The following GLIS1 variants were observed in gnomAD, a reference collection of about 807,000 sequenced individuals.
GLIS1 encodes zinc finger protein GLIS1.
In GLIS1, 24 loss-of-function variants were observed where a neutral mutation model predicts 63.8. The ratio of observed to expected loss-of-function variants is 0.38; its 90% CI spans 0.27 to 0.53. GLIS1 has a LOEUF of 0.53. Among genes scored for constraint, GLIS1 ranks in the 20% least tolerant of loss-of-function variants. The pLI, the probability that GLIS1 is intolerant of heterozygous loss-of-function variation, is 0.85. For synonymous variants in GLIS1, 450 were observed against 482.5 expected (o/e 0.93, Z 0.88); for missense variants, 1,036 against 1,074.1 (o/e 0.96, Z 0.50).
At chr1:53,648,292 A>T (rs993869446) in intron 2 of GLIS1, among the ~76,000 whole-genome samples, 28 of 152,210 alleles carry the variant, frequency 1.8e-4, no homozygotes, top group African/African-American at 6.8e-4. Flanking sequence ...AAAAATGTAA[A>T]TTCAAACCAC....
chr1:53,616,993 T>C lies in GLIS1; in HGVS notation c.260-16715A>G, dbSNP rs867135652. On this transcript the variant is annotated intron_variant, in intron 2 of 10. Coordinates refer to ENST00000628545, the MANE Select transcript of GLIS1 (RefSeq NM_001367484.1). The stretch of plus-strand genomic sequence containing the variant: ...CCCAGGCTCCCTCCTCCAGGAAGAT[T>C]TCCCTGACCAGCCCCACCCCATGGG... Among the ~76,000 whole-genome samples, 3 of 152,034 alleles carry C rather than the reference T, an allele frequency of 2.0e-5. 1 individual carries two copies. The highest frequency in any genetic ancestry group is 6.8e-3 in the Middle Eastern group (2 of 294).
At chr1:53,607,534 C>T (rs914821111) in intron 2 of GLIS1, among the ~76,000 whole-genome samples, 1 of 152,204 alleles carries the variant, frequency 6.6e-6, no homozygotes, top group Non-Finnish European at 1.5e-5. Context: ...TAGGCTCTTT[C>T]CGTGCCAGTA....
At chr1:53,723,924 T>C (rs748200463) in intron 2 of GLIS1, among the ~76,000 whole-genome samples, 46 of 152,182 alleles carry the variant, frequency 3.0e-4, no homozygotes, top group Admixed American at 2.0e-4. Context: ...TGTCAGCATG[T>C]TTCCATTTCC....
Position 53,594,357 on chromosome 1 carries a change from C to T in GLIS1, c.1071G>A (p.Leu357=). ...CCACCCTGCCTGCCAGGCCCAGCCC[C>T]AGGCCTCCAAGGCTTGGGCCAGGCG... The part of the protein sequence containing the change: ...QLPPGPSLGG[L]GLGLAGRVVA... The change falls in exon 4 of 11, where the codon CTG becomes CTA. Residue 357 remains leucine (L), a synonymous_variant. Coordinates refer to ENST00000628545, the MANE Select transcript of GLIS1 (RefSeq NM_001367484.1). 3 of 1,611,714 alleles carry T rather than the reference C, an allele frequency of 1.9e-6. No homozygotes were observed. Among genetic ancestry groups the T allele is most frequent in the South Asian group, 1.1e-5 (1 of 90,952 alleles).
At chr1:53,550,057 C>A (rs1056144000) in intron 4 of GLIS1, among the ~76,000 whole-genome samples, 7 of 152,242 alleles carry the variant, frequency 4.6e-5, no homozygotes. Flanking sequence ...TGATAGGCAT[C>A]AGAGCCACCA....
intron 2 of GLIS1, among the ~76,000 whole-genome samples, chr1:53,707,318 T>C (rs1474782077): frequency 6.6e-6 from 1 of 152,202 alleles, no homozygotes; most frequent in Non-Finnish European, 1.5e-5. Context: ...GGAAAGCAGT[T>C]AACAACAACA....
chr1:53,695,660 G>C (rs905608124), intron 2 of GLIS1, among the ~76,000 whole-genome samples: 2 of 152,200 alleles, frequency 1.3e-5, no homozygotes, highest in African/African-American at 4.8e-5. Context: ...CAGGAGGGGC[G>C]CGGGGTGGTA....
At chr1:53,631,780 C>T (rs1645654587) in intron 2 of GLIS1, among the ~76,000 whole-genome samples, 1 of 151,676 alleles carries the variant, frequency 6.6e-6, no homozygotes, top group Non-Finnish European at 1.5e-5. Context: ...GGGATTGAGT[C>T]ATATGAGTGT....
At position 53,539,027 on chromosome 1, in the gene GLIS1, G is replaced by A. The variant is rs946941951; in HGVS notation, c.1321-9075C>T. Among the ~76,000 whole-genome samples, 2 of 152,058 alleles carry A rather than the reference G, an allele frequency of 1.3e-5. No homozygotes were observed. Among genetic ancestry groups the A allele is most frequent in the African/African-American group, 4.8e-5 (2 of 41,364 alleles). On this transcript the variant is annotated intron_variant, in intron 4 of 10. Transcript: ENST00000628545. The surrounding 1 kb of genome is among the most constrained non-coding windows in gnomAD (Gnocchi z 5.0). ...CCAGGGGCTCTCCCAGTGCAGAGCT[G>A]TGGCTAGACATCGTCTGGAATGAGG...
Position 53,639,939 on chromosome 1 carries a change from T to C in GLIS1, c.260-39661A>G, listed in dbSNP as rs149720504. 7.5e-4 allele frequency among the ~76,000 whole-genome samples: 115 copies of C among 152,340 alleles called. No individual in the cohort carries two copies. Among genetic ancestry groups the C allele is most frequent in the African/African-American group, 2.7e-3 (111 of 41,582 alleles). On this transcript the variant is annotated intron_variant, in intron 2 of 10. Coordinates refer to ENST00000628545, the MANE Select transcript of GLIS1 (RefSeq NM_001367484.1). This position sits in a 1 kb window ranked among gnomAD's most constrained non-coding sequence, Gnocchi z 4.6. ...TCTGATACGTCACTGAGCCTCAGTTTATACTTCCACAGAAACAGGGATACT... is the reference window on the plus strand; with the variant it reads ...TCTGATACGTCACTGAGCCTCAGTTCATACTTCCACAGAAACAGGGATACT...
At chr1:53,709,056 G>T (rs970298240) in intron 2 of GLIS1, among the ~76,000 whole-genome samples, 5 of 151,926 alleles carry the variant, frequency 3.3e-5, no homozygotes, top group Non-Finnish European at 5.9e-5. Context: ...TATCTATCTT[G>T]TTCACCACAG....
intron 4 of GLIS1, among the ~76,000 whole-genome samples, chr1:53,551,402 G>A (rs540894419): frequency 6.6e-6 from 1 of 152,314 alleles, no homozygotes; most frequent in East Asian, 1.9e-4. Flanking sequence ...CCGGGATGGA[G>A]GCCTTATGCA....
chr1:53,511,611 A>G lies in GLIS1; in HGVS notation c.1884-1584T>C, dbSNP rs150955791. 6.6e-6 allele frequency among the ~76,000 whole-genome samples: 1 copy of G among 152,320 alleles called. No homozygotes were observed. The highest frequency in any genetic ancestry group is 2.4e-5 in the African/African-American group (1 of 41,580). On this transcript the variant is annotated intron_variant, in intron 8 of 10. Transcript: ENST00000628545. This position sits in a 1 kb window ranked among gnomAD's most constrained non-coding sequence, Gnocchi z 4.2. Reference sequence around the variant, plus strand: ...TCACTGTTTTAAGTTCATGAGACGAATCCTCATCACACCTCCAGGAATAAA... The same window carrying G: ...TCACTGTTTTAAGTTCATGAGACGAGTCCTCATCACACCTCCAGGAATAAA...
intron 2 of GLIS1, among the ~76,000 whole-genome samples, chr1:53,671,106 G>A (rs146750304): frequency 1.3e-5 from 2 of 152,244 alleles, no homozygotes; most frequent in African/African-American, 4.8e-5. Flanking sequence ...GTGAGCAGAA[G>A]AAACTGGTGA....
chr1:53,591,891 T>C (rs1251587342), intron 4 of GLIS1, among the ~76,000 whole-genome samples: 1 of 152,228 alleles, frequency 6.6e-6, no homozygotes, highest in Admixed American at 6.5e-5. Flanking sequence ...TTGTAAGGAT[T>C]AAACAATACT....
chr1:53,667,615 C>CAATGTTTTG (rs1271709228), intron 2 of GLIS1, among the ~76,000 whole-genome samples: 42 of 137,122 alleles, frequency 3.1e-4, no homozygotes, highest in Non-Finnish European at 6.0e-4. Context: ...ATTTGTACTG[C>CAATGTTTTG]TACAATAAAA....
At chr1:53,719,923 C>A (rs1265220915) in intron 2 of GLIS1, among the ~76,000 whole-genome samples, 4 of 152,192 alleles carry the variant, frequency 2.6e-5, no homozygotes, top group Non-Finnish European at 4.4e-5. Flanking sequence ...TGCCTGTAAT[C>A]CCAGCACTTT....
At chr1:53,599,360 G>A (rs964765092) in intron 3 of GLIS1, among the ~76,000 whole-genome samples, 7 of 152,142 alleles carry the variant, frequency 4.6e-5, no homozygotes, top group Non-Finnish European at 7.3e-5. Context: ...TTTATAAGAC[G>A]AAAGAGACCC....
At chr1:53,595,955 G>A (rs1645251574) in intron 3 of GLIS1, among the ~76,000 whole-genome samples, 1 of 152,246 alleles carries the variant, frequency 6.6e-6, no homozygotes, top group Non-Finnish European at 1.5e-5. Context: ...GGGCAGGCCA[G>A]GCAGGGCAGC....
Sources: gnomAD v4.1 joint callset for allele counts (sites outside exome capture counted in the v4.1 genomes callset) on GRCh38, gnomAD v4.1.1 for gene constraint, Gnocchi (gnomAD v3.1) non-coding constraint, MANE v1.5 for transcripts, NCBI Gene and HGNC (gene_info 2026-07-23, HGNC 2026-07-21) for gene names.